The following SMURF2 variants were observed in gnomAD, a reference collection of about 807,000 sequenced individuals.
SMURF2 encodes SMAD specific E3 ubiquitin protein ligase 2, also known as E3 ubiquitin-protein ligase SMURF2.
In SMURF2, 48 loss-of-function variants were observed where a neutral mutation model predicts 109.6. That is an observed-to-expected ratio of 0.44 (90% confidence interval 0.35 to 0.56). The LOEUF is 0.56. Ranked by LOEUF, SMURF2 falls within the 20% of genes least tolerant of loss-of-function variation. SMURF2 has a pLI of 0.01. For synonymous variants in SMURF2, 288 were observed against 317.1 expected, an observed-to-expected ratio of 0.91 and a Z score of 0.97; for missense variants, 575 against 909.0, an observed-to-expected ratio of 0.63 and a Z score of 4.72.
At chr17:64,633,811 A>G (rs1970378851) in intron 1 of SMURF2, among the ~76,000 whole-genome samples, 1 of 151,202 alleles carries the variant, frequency 6.6e-6, no homozygotes, top group African/African-American at 2.4e-5. Context: ...ACCCCCCAAA[A>G]AAATGTTGTG....
intron 1 of SMURF2, among the ~76,000 whole-genome samples, chr17:64,614,707 G>A (rs1351248925): frequency 6.6e-6 from 1 of 152,134 alleles, no homozygotes; most frequent in Non-Finnish European, 1.5e-5. Context: ...AGATACTTAG[G>A]GAGAAAGGAA....
chr17:64,577,004 C>T (rs899666197), intron 9 of SMURF2, among the ~76,000 whole-genome samples: 3 of 150,094 alleles, frequency 2.0e-5, no homozygotes, highest in Non-Finnish European at 4.4e-5. Flanking sequence ...TGGGACTACA[C>T]GAATTTTCTT....
At chr17:64,651,469 G>A (rs1470645673) in intron 1 of SMURF2, among the ~76,000 whole-genome samples, 1 of 150,698 alleles carries the variant, frequency 6.6e-6, no homozygotes, top group Non-Finnish European at 1.5e-5. Flanking sequence ...CTACTCCAGA[G>A]GCCAAGGCAG....
intron 1 of SMURF2, among the ~76,000 whole-genome samples, chr17:64,611,808 T>C (rs1462041412): frequency 6.6e-6 from 1 of 152,186 alleles, no homozygotes; most frequent in Non-Finnish European, 1.5e-5. Context: ...TCCAAAGGTC[T>C]TCTGGCCCAA....
At chr17:64,583,184 T>C (rs1360965426) in intron 7 of SMURF2, among the ~76,000 whole-genome samples, 9 of 151,996 alleles carry the variant, frequency 5.9e-5, no homozygotes, top group African/African-American at 1.9e-4. Context: ...CCTCGAAAAG[T>C]GCAGGGATTA....
chr17:64,627,530 A>C (rs781925644), intron 1 of SMURF2, among the ~76,000 whole-genome samples: 2 of 152,144 alleles, frequency 1.3e-5, no homozygotes, highest in Non-Finnish European at 2.9e-5. Context: ...TCTCCATTAG[A>C]CCACTTTTCA....
At chr17:64,640,846 G>C (rs535272678) in intron 1 of SMURF2, among the ~76,000 whole-genome samples, 2 of 150,910 alleles carry the variant, frequency 1.3e-5, no homozygotes, top group South Asian at 4.2e-4. Context: ...CTGAACCAGG[G>C]AGTCGGAGAT....
chr17:64,655,295 T>TCTGTCGC (rs962018508), intron 1 of SMURF2, among the ~76,000 whole-genome samples: 17 of 130,000 alleles, frequency 1.3e-4, no homozygotes, highest in Non-Finnish European at 2.4e-4. Flanking sequence ...ACAGTTTCAC[T>TCTGTCGC]CTGTCGCCCA....
intron 8 of SMURF2, among the ~76,000 whole-genome samples, chr17:64,579,473 A>G (rs1969549964): frequency 6.6e-6 from 1 of 152,202 alleles, no homozygotes. Context: ...ACTATAGAGG[A>G]CAGCTGTAAT....
chr17:64,619,905 G>A (rs1555690495), intron 1 of SMURF2, among the ~76,000 whole-genome samples: 1 of 152,146 alleles, frequency 6.6e-6, no homozygotes, highest in Non-Finnish European at 1.5e-5. Context: ...TTCAGTAAAT[G>A]CTGTTAATTG....
intron 1 of SMURF2, among the ~76,000 whole-genome samples, chr17:64,643,576 C>T (rs1284336486): frequency 1.3e-5 from 2 of 152,160 alleles, no homozygotes; most frequent in Admixed American, 1.3e-4. Flanking sequence ...CAACTACTCT[C>T]TCCCTTTGCC....
At chr17:64,602,882 G>A (rs782349694) in intron 2 of SMURF2, among the ~76,000 whole-genome samples, 2 of 151,870 alleles carry the variant, frequency 1.3e-5, no homozygotes, top group Non-Finnish European at 2.9e-5. Context: ...TCGAGATCGC[G>A]CCACTGCACT....
chr17:64,621,284 T>G (rs1401578899), intron 1 of SMURF2, among the ~76,000 whole-genome samples: 1 of 152,138 alleles, frequency 6.6e-6, no homozygotes, highest in Non-Finnish European at 1.5e-5. Context: ...ACTGCAACTA[T>G]AAAAAGCACT....
chr17:64,621,640 C>T (rs1970204083), intron 1 of SMURF2, among the ~76,000 whole-genome samples: 1 of 150,514 alleles, frequency 6.6e-6, no homozygotes, highest in Non-Finnish European at 1.5e-5. Context: ...TTTTGGGAGG[C>T]CGAGGTGGGT....
chr17:64,637,494 T>A (rs1447211380), intron 1 of SMURF2, among the ~76,000 whole-genome samples: 1 of 152,066 alleles, frequency 6.6e-6, no homozygotes, highest in African/African-American at 2.4e-5. Flanking sequence ...TTAATTTTTA[T>A]ATATGGCATG....
chr17:64,575,146 C>A (rs1164055226), intron 9 of SMURF2, among the ~76,000 whole-genome samples: 2 of 149,870 alleles, frequency 1.3e-5, no homozygotes, highest in African/African-American at 2.5e-5. Flanking sequence ...TTCCTCCCCA[C>A]TACTTTTTAT....
chr17:64,556,942 C>T (rs1328304910), intron 13 of SMURF2, among the ~76,000 whole-genome samples: 5 of 152,158 alleles, frequency 3.3e-5, no homozygotes, highest in Admixed American at 2.6e-4. Flanking sequence ...TGATAACCTT[C>T]GTTTCACTTA....
In SMURF2 at chr17:64,547,235, G is replaced by T. The variant is rs1029110355; in HGVS notation, c.2071+365C>A. Among the ~76,000 whole-genome samples, 3 of 152,194 alleles carry T rather than the reference G, an allele frequency of 2.0e-5. No homozygotes were observed. Among genetic ancestry groups the T allele is most frequent in the Admixed American group, 1.3e-4 (2 of 15,286 alleles). On this transcript the variant is annotated intron_variant, in intron 17 of 18. Transcript: ENST00000262435. The surrounding 1 kb of genome is among the most constrained non-coding windows in gnomAD (Gnocchi z 4.2). ...ATAAGAGAAAGAACGAAAAGTAGAG[G>T]GGAGAGGCATCCCAGGCAGGTAAAC... is the stretch of plus-strand genomic sequence containing the variant.
chr17:64,602,250 C>T (rs570854775), intron 2 of SMURF2, among the ~76,000 whole-genome samples: 2 of 152,016 alleles, frequency 1.3e-5, no homozygotes, highest in East Asian at 3.9e-4. Context: ...ATGGGTCCAC[C>T]AGAATCTCAG....
Sources: allele counts gnomAD v4.1 joint callset (sites outside exome capture counted in the v4.1 genomes callset), GRCh38; gene constraint gnomAD v4.1.1; non-coding constraint Gnocchi (gnomAD v3.1); transcripts MANE v1.5; gene names NCBI Gene and HGNC (gene_info 2026-07-23, HGNC 2026-07-21).